Variants in LMO3 observed in about 807,000 individuals in gnomAD.
LMO3 encodes LIM domain only protein 3.
LMO3 carries 2 observed loss-of-function variants against 15.8 expected under a neutral mutation model. The observed-to-expected ratio is 0.13, with a 90% CI of 0.05 to 0.40. The LOEUF is 0.40. LMO3 is among the 10% of genes least tolerant of loss of function. The pLI is 0.99. For synonymous variants in LMO3, 62 were observed against 63.8 expected (o/e 0.97, Z 0.13); for missense variants, 86 against 182.2 (o/e 0.47, Z 3.04).
intron 2 of LMO3, among the ~76,000 whole-genome samples, chr12:16,566,683 T>C (rs996053786): frequency 1.4e-4 from 22 of 152,076 alleles, no homozygotes; most frequent in Non-Finnish European, 3.1e-4. Context: ...AGTTCAGCCT[T>C]TGTAAATAAT....
upstream of LMO3, chr12:16,606,590 T>A (rs1250534554): frequency 6.7e-6 from 1 of 150,030 alleles, no homozygotes; most frequent in Non-Finnish European, 1.5e-5. Context: ...GCTCCCTCGC[T>A]CGCTCTCGTG....
rs1407827925 is a variant in LMO3 at position 16,589,685 on chromosome 12, C to CAAGATCAAGCAACTTTTCTTT, written c.206+10949_206+10969dup. On this transcript the variant is annotated intron_variant, in intron 2 of 3. Transcript: ENST00000537304. This position sits in a 1 kb window ranked among gnomAD's most constrained non-coding sequence, Gnocchi z 4.2. ...TTAAACACCAAGCAAACTATCAGGT[C>CAAGATCAAGCAACTTTTCTTT]AAGATCAAGCAACTTTTCTTTAAGA... 2.6e-5 allele frequency: 4 copies of CAAGATCAAGCAACTTTTCTTT among 152,050 alleles called. No homozygotes were observed. Among genetic ancestry groups the CAAGATCAAGCAACTTTTCTTT allele is most frequent in the Non-Finnish European group, 5.9e-5 (4 of 67,996 alleles). 9.4% of individuals were successfully genotyped at this position (152,050 alleles called of 1,614,324 possible).
At chr12:16,564,623 C>G (rs1222465234) in intron 2 of LMO3, among the ~76,000 whole-genome samples, 1 of 152,096 alleles carries the variant, frequency 6.6e-6, no homozygotes, top group African/African-American at 2.4e-5. Flanking sequence ...TGGCTCAAGT[C>G]ACTAAATCAA....
rs1466444533 is a variant in LMO3, at chr12:16,584,854, C to T, written c.206+15801G>A. On this transcript the variant is annotated intron_variant, in intron 2 of 3. Transcript: ENST00000537304. The surrounding 1 kb of genome is among the most constrained non-coding windows in gnomAD (Gnocchi z 5.2). ...ATACATTGGATGAAGGGCTCTGATC[C>T]TCTCTTCAAGAATTCAGGATGCGAG... Among the ~76,000 whole-genome samples, 2 of 152,254 alleles carry T rather than the reference C, an allele frequency of 1.3e-5. No individual in the cohort carries two copies. The highest frequency in any genetic ancestry group is 1.9e-4 in the East Asian group (1 of 5,174).
chr12:16,604,391 C>T lies in LMO3; in HGVS notation c.-9+1675G>A, dbSNP rs1943922126. On this transcript the variant is annotated intron_variant, in intron 1 of 3. Transcript: ENST00000537304. This position sits in a 1 kb window ranked among gnomAD's most constrained non-coding sequence, Gnocchi z 5.3. Reference sequence around the variant, plus strand: ...CTTTTTGAGCAATGGAGCTGGGAACCAATTTGATTCCCTTTTTCTCCAATG... The same window carrying T: ...CTTTTTGAGCAATGGAGCTGGGAACTAATTTGATTCCCTTTTTCTCCAATG... Among the ~76,000 whole-genome samples the T allele has an allele frequency of 6.6e-6, 1 of 151,970 alleles. No homozygotes were observed. The highest frequency in any genetic ancestry group is 6.6e-5 in the Admixed American group (1 of 15,264).
intron 2 of LMO3, among the ~76,000 whole-genome samples, chr12:16,592,289 T>C (rs902339234): frequency 6.6e-6 from 1 of 152,042 alleles, no homozygotes; most frequent in Admixed American, 6.6e-5. Flanking sequence ...CAGCAAGGGT[T>C]GCACCGTGAA....
chr12:16,560,994 T>G lies in LMO3; in HGVS notation c.207-456A>C, dbSNP rs1386000991. Among the ~76,000 whole-genome samples, 1 of 152,154 alleles carries G rather than the reference T, an allele frequency of 6.6e-6. No individual in the cohort carries two copies. Among genetic ancestry groups the G allele is most frequent in the Non-Finnish European group, 1.5e-5 (1 of 68,012 alleles). On this transcript the variant is annotated intron_variant, in intron 2 of 3. Coordinates refer to ENST00000537304, the MANE Select transcript of LMO3 (RefSeq NM_018640.5). This position sits in a 1 kb window ranked among gnomAD's most constrained non-coding sequence, Gnocchi z 5.0. ...TTTGCCATTATTATTAAAAATACAT[T>G]TATGAAGAAGCCATTTAAATAGTCA...
At chr12:16,561,234 A>G (rs906974897) in intron 2 of LMO3, among the ~76,000 whole-genome samples, 18 of 152,188 alleles carry the variant, frequency 1.2e-4, no homozygotes, top group African/African-American at 1.7e-4. Flanking sequence ...TCGTTATTGT[A>G]ATGACCTAAA....
rs1291734480 is a variant in LMO3 at position 16,559,654 on chromosome 12, G to GT, written c.332+758dup. ...ATATAGGACAGGGTTAAAATTTAAG[G>GT]TAAACAGCTAGATTGGGTGGGGGTG... is the stretch of plus-strand genomic sequence containing the variant. On this transcript the variant is annotated intron_variant, in intron 3 of 3. Coordinates refer to ENST00000537304, the MANE Select transcript of LMO3 (RefSeq NM_018640.5). This position sits in a 1 kb window ranked among gnomAD's most constrained non-coding sequence, Gnocchi z 4.1. Among the ~76,000 whole-genome samples the GT allele has an allele frequency of 6.6e-6, 1 of 151,964 alleles. No homozygotes were observed. The highest frequency in any genetic ancestry group is 2.4e-5 in the African/African-American group (1 of 41,390).
rs905261029 is a variant in LMO3, at chr12:16,586,052, A to G, written c.206+14603T>C. Among the ~76,000 whole-genome samples the G allele has an allele frequency of 6.6e-6, 1 of 152,158 alleles. No homozygotes were observed. The highest frequency in any genetic ancestry group is 1.5e-5 in the Non-Finnish European group (1 of 68,024). On this transcript the variant is annotated intron_variant, in intron 2 of 3. Transcript: ENST00000537304. The surrounding 1 kb of genome is among the most constrained non-coding windows in gnomAD (Gnocchi z 4.3). ...GTTAATGAAAATCTTCAACACAGGA[A>G]AACAGCAAAACCTTGATGTACAATT...
rs1943798628 is a variant in LMO3, at chr12:16,600,806, T to C, written c.55A>G (p.Lys19Glu). ...TTTAGAAGATACCGGTCCTTGATCT[T>C]TCGGTTGCAGCCAGCACAACCTTTC... Reference protein sequence around the residue: ...KPKGCAGCNRKIKDRYLLKAL... With the variant: ...KPKGCAGCNREIKDRYLLKAL... Residue 19 changes from lysine (K) to glutamate (E), a missense_variant, in exon 2 of 4, where the codon AAG (lysine) becomes GAG (glutamate). Coordinates refer to ENST00000537304, the MANE Select transcript of LMO3 (RefSeq NM_018640.5). 8.1e-6 allele frequency: 13 copies of C among 1,614,020 alleles called. No individual in the cohort carries two copies. The highest frequency in any genetic ancestry group is 1.1e-5 in the Non-Finnish European group (13 of 1,180,014).
intron 2 of LMO3, among the ~76,000 whole-genome samples, chr12:16,592,285 G>A (rs528387555): frequency 5.3e-5 from 8 of 152,092 alleles, no homozygotes; most frequent in Admixed American, 1.3e-4. Flanking sequence ...CTCTCAGCAA[G>A]GGTTGCACCG....
At chr12:16,554,181 T>C (rs1591766296) in intron 3 of LMO3, among the ~76,000 whole-genome samples, 1 of 152,298 alleles carries the variant, frequency 6.6e-6, no homozygotes, top group East Asian at 1.9e-4. Context: ...ATGAAACAAG[T>C]GTAAATAGTA....
rs371341050 is a variant in LMO3, at chr12:16,549,179, A to C, written c.*2043T>G. On this transcript the variant is annotated 3_prime_UTR_variant, in exon 4 of 4. Transcript: ENST00000537304. ...ACCACTTTTCACTGATCTCTCCCCC[A>C]CATATTTTTAATTTGTCTTGCTTTG... is the stretch of plus-strand genomic sequence containing the variant. 1 of 152,120 alleles carries C rather than the reference A, an allele frequency of 6.6e-6. No individual in the cohort carries two copies. The highest frequency in any genetic ancestry group is 1.9e-4 in the East Asian group (1 of 5,188). The allele number at this position is 152,120 out of a possible 1,614,324, so 9.4% of individuals were successfully genotyped here. A position where few individuals can be genotyped will look rare whatever the true frequency, so the allele number is the denominator to read the frequency against.
Position 16,560,612 on chromosome 12 carries a change from T to G in LMO3, c.207-74A>C. On this transcript the variant is annotated intron_variant, in intron 2 of 3. Transcript: ENST00000537304. The surrounding 1 kb of genome is among the most constrained non-coding windows in gnomAD (Gnocchi z 5.0). Reference sequence around the variant, plus strand: ...CTGAGATCGTGAAGAGAGATGATGTTAATATACTCTGTAAAGCTACAATAC... The same window carrying G: ...CTGAGATCGTGAAGAGAGATGATGTGAATATACTCTGTAAAGCTACAATAC... 7.7e-7 allele frequency: 1 copy of G among 1,292,098 alleles called. No homozygotes were observed. The highest frequency in any genetic ancestry group is 1.1e-6 in the Non-Finnish European group (1 of 913,090). 80.0% of individuals were successfully genotyped at this position (1,292,098 alleles called of 1,614,324 possible). A position where few individuals can be genotyped will look rare whatever the true frequency, so the allele number is the denominator to read the frequency against.
At chr12:16,577,271 A>C (rs1943022219) in intron 2 of LMO3, among the ~76,000 whole-genome samples, 1 of 152,126 alleles carries the variant, frequency 6.6e-6, no homozygotes, top group Non-Finnish European at 1.5e-5. Context: ...AAAGGCCGTA[A>C]ACTTTCTTCT....
intron 2 of LMO3, among the ~76,000 whole-genome samples, chr12:16,595,714 T>C (rs917953482): frequency 3.3e-5 from 5 of 151,438 alleles, no homozygotes; most frequent in African/African-American, 1.2e-4. Flanking sequence ...TGTCAAAATA[T>C]TTCATAATAC....
At chr12:16,573,150 A>C (rs1314267108) in intron 2 of LMO3, among the ~76,000 whole-genome samples, 1 of 152,162 alleles carries the variant, frequency 6.6e-6, no homozygotes, top group Non-Finnish European at 1.5e-5. Context: ...AAAACATTAA[A>C]TAAATATATT....
In LMO3 at chr12:16,586,384, G is replaced by C. The variant is rs370334427; in HGVS notation, c.206+14271C>G. On this transcript the variant is annotated intron_variant, in intron 2 of 3. Coordinates refer to ENST00000537304, the MANE Select transcript of LMO3 (RefSeq NM_018640.5). The surrounding 1 kb of genome is among the most constrained non-coding windows in gnomAD (Gnocchi z 4.3). ...AACCACTGCATGGCTGTGGCAAGGA[G>C]AGCGGAGGATCCTAATCTTCCCCAG... Among the ~76,000 whole-genome samples, 1 of 152,258 alleles carries C rather than the reference G, an allele frequency of 6.6e-6. No individual in the cohort carries two copies. Among genetic ancestry groups the C allele is most frequent in the Non-Finnish European group, 1.5e-5 (1 of 68,018 alleles).
Sources: allele counts gnomAD v4.1 joint callset (sites outside exome capture counted in the v4.1 genomes callset), GRCh38; gene constraint gnomAD v4.1.1; non-coding constraint Gnocchi (gnomAD v3.1); transcripts MANE v1.5; gene names NCBI Gene and HGNC (gene_info 2026-07-23, HGNC 2026-07-21).